PPP2R2B: variants seen among roughly 807,000 people sequenced by gnomAD.
PPP2R2B encodes serine/threonine-protein phosphatase 2A 55 kDa regulatory subunit B beta isoform.
A neutral mutation model predicts 46.0 loss-of-function variants in PPP2R2B; 5 were observed. That is an observed-to-expected ratio of 0.11 (90% confidence interval 0.06 to 0.23). The LOEUF (loss-of-function observed/expected upper bound fraction) is 0.23, where lower values mean the gene tolerates loss of function less well. Ranked by LOEUF, PPP2R2B falls within the 10% of genes least tolerant of loss-of-function variation. The pLI is 1.00. For synonymous variants in PPP2R2B, 215 were observed against 206.7 expected (o/e 1.04, Z -0.34); for missense variants, 367 against 575.0 (o/e 0.64, Z 3.70).
chr5:146,616,735 A>T (rs1351253716), intron 7 of PPP2R2B, among the ~76,000 whole-genome samples: 2 of 152,204 alleles, frequency 1.3e-5, no homozygotes, highest in Admixed American at 1.3e-4. Flanking sequence ...GCTGATGAGG[A>T]TGTGGAGAAA....
intron 1 of PPP2R2B, among the ~76,000 whole-genome samples, chr5:146,954,756 A>ATG (rs149370877): frequency 0.18 from 26,904 of 146,536 alleles, 2,502 homozygotes; most frequent in East Asian, 0.31. Flanking sequence ...ATGTGTATAT[A>ATG]TGTGTGTGTG....
chr5:146,647,489 A>C, intron 6 of PPP2R2B, among the ~76,000 whole-genome samples: 1 of 152,190 alleles, frequency 6.6e-6, no homozygotes, highest in East Asian at 1.9e-4. Flanking sequence ...GATATCACTT[A>C]TCATCGTTCT....
rs73316507 is a variant in PPP2R2B at position 147,020,212 on chromosome 5, T to C, written c.79+35453A>G. ...TGTGACACATTCAATTCCCTCTTGGTATTTGATCCTGGAGAATCAAAACTG... is the reference window on the plus strand; with the variant it reads ...TGTGACACATTCAATTCCCTCTTGGCATTTGATCCTGGAGAATCAAAACTG... On this transcript the variant is annotated intron_variant, in intron 1 of 8. Transcript: ENST00000336640. Among the ~76,000 whole-genome samples the C allele has an allele frequency of 3.6e-3, 552 of 152,286 alleles. 5 individuals carry two copies. Among genetic ancestry groups the C allele is most frequent in the African/African-American group, 0.013 (530 of 41,554 alleles).
chr5:146,639,164 T>C (rs947799830), intron 6 of PPP2R2B, among the ~76,000 whole-genome samples: 2 of 152,238 alleles, frequency 1.3e-5, no homozygotes, highest in African/African-American at 4.8e-5. Flanking sequence ...TGCTCTTTCA[T>C]AATTATGCAA....
At position 146,582,523 on chromosome 5, in the gene PPP2R2B, A is replaced by G. The variant is rs1769942136; in HGVS notation, c.*7424T>C. ...ACACATCTTGGCTCACTGGCTCCCA[A>G]TTTTTTCTTAATTCCCTGACTCCTC... On this transcript the variant is annotated 3_prime_UTR_variant, in exon 10 of 10. Transcript: ENST00000394411. 6.6e-6 allele frequency: 1 copy of G among 152,042 alleles called. No individual in the cohort carries two copies. The highest frequency in any genetic ancestry group is 1.5e-5 in the Non-Finnish European group (1 of 68,050). 9.4% of individuals were successfully genotyped at this position (152,042 alleles called of 1,614,324 possible).
At chr5:147,077,037 G>A (rs1277163537) in intron 2 of PPP2R2B, among the ~76,000 whole-genome samples, 1 of 132,560 alleles carries the variant, frequency 7.5e-6, no homozygotes, top group African/African-American at 3.3e-5. Context: ...ACAATCTATT[G>A]GTAATGGCCT....
chr5:146,885,773 T>C (rs996458052), intron 1 of PPP2R2B, among the ~76,000 whole-genome samples: 1 of 152,166 alleles, frequency 6.6e-6, no homozygotes, highest in Non-Finnish European at 1.5e-5. Flanking sequence ...GTCCATACAA[T>C]AGAATATTAT....
intron 1 of PPP2R2B, among the ~76,000 whole-genome samples, chr5:146,955,774 C>CTTTTTT (rs5872000): frequency 5.2e-5 from 6 of 115,656 alleles, no homozygotes; most frequent in Non-Finnish European, 8.6e-5. Flanking sequence ...CTTTCTATTA[C>CTTTTTT]TTTTTTTTTT....
At chr5:146,895,510 A>T (rs1315417265) in intron 1 of PPP2R2B, among the ~76,000 whole-genome samples, 1 of 152,186 alleles carries the variant, frequency 6.6e-6, no homozygotes, top group African/African-American at 2.4e-5. Flanking sequence ...CTGATTCATG[A>T]ATTAAAAACA....
At chr5:146,806,261 G>C (rs1757171086) in intron 2 of PPP2R2B, among the ~76,000 whole-genome samples, 1 of 152,144 alleles carries the variant, frequency 6.6e-6, no homozygotes, top group Admixed American at 6.5e-5. Flanking sequence ...CTCCCACCAA[G>C]TTGTTTTAAG....
chr5:147,053,021 G>A (rs983936343), intron 1 of PPP2R2B, among the ~76,000 whole-genome samples: 4 of 151,670 alleles, frequency 2.6e-5, no homozygotes, highest in Non-Finnish European at 5.9e-5. Flanking sequence ...ACAAGTGAAC[G>A]CTGGTTATTA....
intron 1 of PPP2R2B, among the ~76,000 whole-genome samples, chr5:146,995,425 T>C (rs995585752): frequency 7.2e-5 from 11 of 152,164 alleles, no homozygotes; most frequent in African/African-American, 2.7e-4. Context: ...TAATTGGGGG[T>C]GTAACCACTG....
chr5:146,698,967 G>GA (rs938966244), intron 3 of PPP2R2B, among the ~76,000 whole-genome samples: 3 of 150,962 alleles, frequency 2.0e-5, no homozygotes, highest in African/African-American at 4.9e-5. Context: ...GAAGAGAGGA[G>GA]AAAAAAAACA....
At chr5:146,715,766 C>T (rs1197940284) in intron 2 of PPP2R2B, among the ~76,000 whole-genome samples, 3 of 152,136 alleles carry the variant, frequency 2.0e-5, no homozygotes, top group Non-Finnish European at 2.9e-5. Flanking sequence ...CTTCTTTTCC[C>T]TCCACCTTCT....
intron 2 of PPP2R2B, among the ~76,000 whole-genome samples, chr5:146,818,931 A>T (rs570945400): frequency 9.5e-4 from 144 of 152,318 alleles, no homozygotes; most frequent in African/African-American, 3.2e-3. Flanking sequence ...CTGACCAAGG[A>T]TAAAGTACAG....
Position 146,987,728 on chromosome 5 carries a change from A to G in PPP2R2B, c.79+67937T>C, listed in dbSNP as rs76303810. Among the ~76,000 whole-genome samples, 846 of 152,150 alleles carry G rather than the reference A, an allele frequency of 5.6e-3. 21 individuals carry two copies. The highest frequency in any genetic ancestry group is 0.044 in the East Asian group (227 of 5,186). On this transcript the variant is annotated intron_variant, in intron 1 of 8. Transcript: ENST00000336640. Reference sequence around the variant, plus strand: ...AGGAATAAAGGAATAGAGGAGTTATAAAACAATCAGAAATCAACAAAATGG... The same window carrying G: ...AGGAATAAAGGAATAGAGGAGTTATGAAACAATCAGAAATCAACAAAATGG...
chr5:146,729,504 C>T (rs544481172), intron 2 of PPP2R2B, among the ~76,000 whole-genome samples: 63 of 152,320 alleles, frequency 4.1e-4, no homozygotes, highest in African/African-American at 1.3e-3. Flanking sequence ...GGGAAAATGT[C>T]TCCAGGCCAT....
intron 1 of PPP2R2B, among the ~76,000 whole-genome samples, chr5:147,004,638 T>G (rs1339045935): frequency 1.3e-5 from 2 of 152,202 alleles, no homozygotes; most frequent in Non-Finnish European, 2.9e-5. Context: ...TAGCCAAAGC[T>G]GGAGCTATTA....
chr5:146,738,660 G>A (rs1752687601), intron 2 of PPP2R2B, among the ~76,000 whole-genome samples: 1 of 152,108 alleles, frequency 6.6e-6, no homozygotes, highest in Non-Finnish European at 1.5e-5. Context: ...CTCCTTCTGT[G>A]TGTACCAAGG....
Sources: allele counts gnomAD v4.1 joint callset (sites outside exome capture counted in the v4.1 genomes callset), GRCh38; gene constraint gnomAD v4.1.1; transcripts MANE v1.5; gene names NCBI Gene and HGNC (gene_info 2026-07-23, HGNC 2026-07-21).